The following SEL1L2 variants were observed in gnomAD, a reference collection of about 807,000 sequenced individuals.
SEL1L2 encodes the protein SEL1L2 adaptor subunit of SYVN1 ubiquitin ligase, also known as protein sel-1 homolog 2.
Under a neutral mutation model 98.8 loss-of-function variants are expected in SEL1L2, and 89 were observed. The observed-to-expected ratio is 0.90, with a 90% CI of 0.76 to 1.07. SEL1L2 has a LOEUF of 1.07. Among genes scored for constraint, SEL1L2 ranks in the 50% least tolerant of loss-of-function variants. SEL1L2 has a pLI of 0.00. For missense variants in SEL1L2, 788 were observed against 812.0 expected (o/e 0.97, Z 0.36); for synonymous variants, 262 against 278.5 (o/e 0.94, Z 0.59).
intron 2 of SEL1L2, among the ~76,000 whole-genome samples, chr20:13,937,665 C>G (rs1228326019): frequency 6.6e-6 from 1 of 152,194 alleles, no homozygotes; most frequent in African/African-American, 2.4e-5. Flanking sequence ...TCTGCATTCT[C>G]TAAAGCTGAC....
At chr20:13,864,810 G>A (rs1006083575) in intron 17 of SEL1L2, among the ~76,000 whole-genome samples, 1 of 152,182 alleles carries the variant, frequency 6.6e-6, no homozygotes, top group Non-Finnish European at 1.5e-5. Context: ...CATGGGTCAT[G>A]TCTCTGATTA....
At chr20:13,863,095 A>G (rs1457858079) in intron 17 of SEL1L2, among the ~76,000 whole-genome samples, 4 of 152,198 alleles carry the variant, frequency 2.6e-5, no homozygotes. Context: ...AACTTATAAG[A>G]ATGGTGCCCA....
At chr20:13,965,648 T>C (rs2051006428) in intron 1 of SEL1L2, among the ~76,000 whole-genome samples, 1 of 152,056 alleles carries the variant, frequency 6.6e-6, no homozygotes, top group Non-Finnish European at 1.5e-5. Context: ...AAGACACCCA[T>C]CTCCTTAAAA....
chr20:13,925,453 C>A (rs962353521), intron 3 of SEL1L2, among the ~76,000 whole-genome samples: 1 of 152,200 alleles, frequency 6.6e-6, no homozygotes, highest in South Asian at 2.1e-4. Flanking sequence ...GTGAGAGCTT[C>A]GGTAGAGAAC....
At chr20:13,899,454 T>G (rs1304678433) in intron 5 of SEL1L2, among the ~76,000 whole-genome samples, 7 of 152,190 alleles carry the variant, frequency 4.6e-5, no homozygotes, top group African/African-American at 1.7e-4. Flanking sequence ...ATAATAAAAT[T>G]CACTTAACCA....
At chr20:13,925,805 C>T (rs2048866094) in intron 3 of SEL1L2, among the ~76,000 whole-genome samples, 1 of 152,210 alleles carries the variant, frequency 6.6e-6, no homozygotes, top group Admixed American at 6.5e-5. Context: ...TTAGGCAACA[C>T]TTTTAGGTAT....
chr20:13,914,072 A>G (rs1162434885), intron 4 of SEL1L2, 128 bp from the exon 5 acceptor site: 11 of 739,850 alleles, frequency 1.5e-5, no homozygotes, highest in Non-Finnish European at 2.3e-5. Flanking sequence ...GCTGAAGTTC[A>G]TTACATCTCT....
intron 2 of SEL1L2, among the ~76,000 whole-genome samples, chr20:13,938,833 T>C (rs906743541): frequency 1.3e-5 from 2 of 152,108 alleles, no homozygotes; most frequent in Non-Finnish European, 2.9e-5. Context: ...TTAACTGTTA[T>C]TACTATATTA....
chr20:13,856,033 G>C (rs980673627), intron 18 of SEL1L2, among the ~76,000 whole-genome samples: 1 of 152,194 alleles, frequency 6.6e-6, no homozygotes, highest in Non-Finnish European at 1.5e-5. Context: ...CCTGAGCCAA[G>C]GTACAGACAG....
At chr20:13,907,869 G>A (rs1201185304) in intron 5 of SEL1L2, among the ~76,000 whole-genome samples, 2 of 151,404 alleles carry the variant, frequency 1.3e-5, no homozygotes, top group Non-Finnish European at 2.9e-5. Context: ...CTGGGCTCAA[G>A]TGATCCTCCC....
intron 17 of SEL1L2, among the ~76,000 whole-genome samples, chr20:13,861,767 T>C (rs6042398): frequency 0.11 from 17,318 of 152,168 alleles, 1,080 homozygotes; most frequent in African/African-American, 0.16. Flanking sequence ...ACCTACAAGT[T>C]ATGCCTCACC....
intron 10 of SEL1L2, among the ~76,000 whole-genome samples, chr20:13,882,812 CTTTTT>C (rs759286946): frequency 5.6e-5 from 6 of 107,244 alleles, no homozygotes; most frequent in African/African-American, 7.0e-5. Context: ...GTCAATTTGT[CTTTTT>C]TTTTTTTTTT....
At chr20:13,987,111 G>A (rs2052234275) in intron 1 of SEL1L2, among the ~76,000 whole-genome samples, 1 of 140,970 alleles carries the variant, frequency 7.1e-6, no homozygotes. Context: ...GATTACAGGC[G>A]TGAGCCACCG....
At chr20:13,921,166 T>A (rs2048650703) in intron 3 of SEL1L2, among the ~76,000 whole-genome samples, 1 of 152,228 alleles carries the variant, frequency 6.6e-6, no homozygotes, top group South Asian at 2.1e-4. Context: ...CTTTTTTGGC[T>A]TTCCAAATGT....
chr20:13,931,702 TG>T lies in SEL1L2; in HGVS notation c.183del (p.Asn62IlefsTer16). 2 of 1,570,312 alleles carry T rather than the reference TG, an allele frequency of 1.3e-6. No homozygotes were observed. Among genetic ancestry groups the T allele is most frequent in the Non-Finnish European group, 1.7e-6 (2 of 1,158,382 alleles). On this transcript the variant is annotated frameshift_variant, in exon 3 of 20. Transcript: ENST00000284951. LOFTEE classifies it high-confidence loss of function. ...TTCTCCAGGAGATTTTCTCTTTTAT[TG>T]ATTACATTACTAGATGTTCTTTGTT... ...ILEQRTSSNV[I>X]NKRENLLEKK...
intron 5 of SEL1L2, among the ~76,000 whole-genome samples, chr20:13,909,961 A>G (rs754896259): frequency 1.3e-4 from 20 of 152,210 alleles, no homozygotes; most frequent in Middle Eastern, 3.4e-3. Context: ...ACAGAACGAG[A>G]CTCTGTCTCA....
At chr20:13,852,708 T>A (rs1176179506) in intron 18 of SEL1L2, among the ~76,000 whole-genome samples, 2 of 152,220 alleles carry the variant, frequency 1.3e-5, no homozygotes, top group Non-Finnish European at 2.9e-5. Flanking sequence ...AACTAAAATG[T>A]TATGTGGATA....
intron 15 of SEL1L2, among the ~76,000 whole-genome samples, chr20:13,866,029 C>T (rs962972896): frequency 6.6e-6 from 1 of 152,070 alleles, no homozygotes; most frequent in Non-Finnish European, 1.5e-5. Context: ...AGCTGAATAG[C>T]CCTTATGTAA....
intron 12 of SEL1L2, 53 bp from the exon 13 acceptor site, chr20:13,870,256 A>C (rs2046121446): frequency 1.4e-6 from 2 of 1,380,432 alleles, no homozygotes; most frequent in African/African-American, 2.9e-5. Context: ...CATGATAAGG[A>C]AAATTACTGC....
Sources: allele counts gnomAD v4.1 joint callset (sites outside exome capture counted in the v4.1 genomes callset), GRCh38; gene constraint gnomAD v4.1.1; transcripts MANE v1.5; gene names NCBI Gene and HGNC (gene_info 2026-07-23, HGNC 2026-07-21).